TENM1: variants seen among roughly 807,000 people sequenced by gnomAD.
TENM1 encodes teneurin-1.
TENM1 carries 35 observed loss-of-function variants against 174.8 expected under a neutral mutation model. The ratio of observed to expected loss-of-function variants is 0.20; its 90% CI spans 0.15 to 0.27. TENM1 has a LOEUF of 0.27. TENM1 is among the 10% of genes least tolerant of loss of function. The pLI is 1.00. For missense variants in TENM1, 1,633 were observed against 2,130.1 expected (o/e 0.77, Z 4.59); for synonymous variants, 781 against 798.7 (o/e 0.98, Z 0.37).
the TENM1 span, among the ~76,000 whole-genome samples, chrX:125,089,923 TTGTC>T: frequency 1.1e-4 from 12 of 111,362 alleles, no homozygotes; most frequent in African/African-American, 3.9e-4. Context: ...CTGTGTATGT[TTGTC>T]TGTGTGTGTC....
chrX:125,157,274 G>GAC, the TENM1 span, among the ~76,000 whole-genome samples: 1 of 111,968 alleles, frequency 8.9e-6, no homozygotes, highest in Admixed American at 9.5e-5. Context: ...CATACATGTA[G>GAC]ACATAAGTTG....
At chrX:124,398,781 G>A (rs912995118) in intron 27 of TENM1, among the ~76,000 whole-genome samples, 3 of 111,173 alleles carry the variant, frequency 2.7e-5, no homozygotes, top group African/African-American at 9.8e-5. Context: ...TACCACAATC[G>A]TGATAGCATT....
At chrX:124,589,367 G>GTTA (rs2049669285) in intron 11 of TENM1, among the ~76,000 whole-genome samples, 1 of 108,863 alleles carries the variant, frequency 9.2e-6, no homozygotes, top group Admixed American at 9.9e-5. Flanking sequence ...TGTTGTTGTT[G>GTTA]TTGTTGTTGT....
In TENM1 at chrX:124,940,568, C is replaced by T. The variant is rs763031038; in HGVS notation, c.217+22969G>A. 6.3e-5 allele frequency among the ~76,000 whole-genome samples: 7 copies of T among 111,165 alleles called. No individual in the cohort carries two copies. In the East Asian group the frequency reaches 8.5e-4, roughly 14 times the overall value. On this transcript the variant is annotated intron_variant, in intron 1 of 31. Coordinates refer to ENST00000422452, the Ensembl canonical transcript of TENM1. ...GAGTTGACTTTCTGTCACTTACAAC[C>T]GAGATTCTAACTTATATACTAACTT...
intron 1 of TENM1, among the ~76,000 whole-genome samples, chrX:124,901,742 G>A (rs532381422): frequency 1.8e-5 from 2 of 111,202 alleles, no homozygotes; most frequent in South Asian, 7.6e-4. Flanking sequence ...CACCATACCC[G>A]GCCAATTTCT....
At chrX:124,504,134 G>A (rs1292724141) in intron 18 of TENM1, among the ~76,000 whole-genome samples, 2 of 111,809 alleles carry the variant, frequency 1.8e-5, no homozygotes, top group South Asian at 3.7e-4. Flanking sequence ...CACTCAGCAA[G>A]CTGCCTTTGG....
At chrX:125,143,812 T>C in the TENM1 span, among the ~76,000 whole-genome samples, 1 of 111,879 alleles carries the variant, frequency 8.9e-6, no homozygotes, top group South Asian at 3.6e-4. Flanking sequence ...ATCTAGATGT[T>C]ATTTTTTTCT....
chrX:124,553,357 G>A (rs1028494618), intron 14 of TENM1, among the ~76,000 whole-genome samples: 7 of 108,711 alleles, frequency 6.4e-5, no homozygotes, highest in South Asian at 4.1e-4. Context: ...ATAATTAGCC[G>A]GGCGTGGTGG....
chrX:124,971,913 T>C, the TENM1 span, among the ~76,000 whole-genome samples: 1 of 111,963 alleles, frequency 8.9e-6, no homozygotes, highest in Non-Finnish European at 1.9e-5. Flanking sequence ...CTTTTGCACA[T>C]TTACCTATTG....
rs184459222 is a variant in TENM1 at position 124,849,696 on chromosome X, T to C, written c.535+44600A>G. Among the ~76,000 whole-genome samples the C allele has an allele frequency of 2.6e-3, 294 of 111,696 alleles. 2 individuals are homozygous for C. Among genetic ancestry groups the C allele is most frequent in the African/African-American group, 9.3e-3 (286 of 30,802 alleles). ...CTGAGCAGAGGACCCAGTAGATGTGTCCAGACTTCTGATTCATAGCAACTG... is the reference window on the plus strand; with the variant it reads ...CTGAGCAGAGGACCCAGTAGATGTGCCCAGACTTCTGATTCATAGCAACTG... On this transcript the variant is annotated intron_variant, in intron 3 of 31. Transcript: ENST00000422452.
intron 11 of TENM1, among the ~76,000 whole-genome samples, chrX:124,630,197 T>TA (rs2050725832): frequency 1.8e-5 from 2 of 112,546 alleles, no homozygotes; most frequent in South Asian, 7.3e-4. Context: ...GAATTCAATT[T>TA]AAAAAATGAA....
intron 23 of TENM1, among the ~76,000 whole-genome samples, chrX:124,423,321 T>C (rs918290521): frequency 3.6e-5 from 4 of 112,077 alleles, no homozygotes; most frequent in African/African-American, 1.3e-4. Context: ...GTTCACTCCA[T>C]AGGTTCCCCT....
At chrX:124,822,536 T>G (rs2056062151) in intron 3 of TENM1, among the ~76,000 whole-genome samples, 2 of 112,184 alleles carry the variant, frequency 1.8e-5, no homozygotes, top group Non-Finnish European at 3.8e-5. Context: ...CAATTTACCT[T>G]CAAGCTTCCA....
At chrX:124,465,451 T>C (rs2061230984) in intron 22 of TENM1, among the ~76,000 whole-genome samples, 1 of 110,903 alleles carries the variant, frequency 9.0e-6, no homozygotes, top group Non-Finnish European at 1.9e-5. Context: ...GGGGTCTCAC[T>C]ATGTTGACCA....
intron 3 of TENM1, among the ~76,000 whole-genome samples, chrX:124,880,750 T>C (rs754249049): frequency 2.7e-5 from 3 of 112,061 alleles, no homozygotes; most frequent in Admixed American, 9.4e-5. Context: ...GAGGGGAATG[T>C]TGAATTTTAT....
intron 16 of TENM1, among the ~76,000 whole-genome samples, chrX:124,527,848 G>A (rs1447815476): frequency 9.8e-6 from 1 of 102,127 alleles, no homozygotes; most frequent in African/African-American, 3.6e-5. Context: ...AGTAGAGACG[G>A]GGTTTCACCG....
chrX:124,693,924 A>G (rs1402185077), intron 5 of TENM1, among the ~76,000 whole-genome samples: 1 of 111,713 alleles, frequency 9.0e-6, no homozygotes, highest in Non-Finnish European at 1.9e-5. Flanking sequence ...GTGACTTGTT[A>G]GATTACTAGA....
At chrX:124,906,765 G>C (rs1274759948) in intron 1 of TENM1, among the ~76,000 whole-genome samples, 2 of 111,531 alleles carry the variant, frequency 1.8e-5, no homozygotes, top group Admixed American at 1.9e-4. Flanking sequence ...ATAATATAAC[G>C]ACATAAACAA....
chrX:124,399,695 G>A (rs755007329), intron 27 of TENM1, among the ~76,000 whole-genome samples: 3 of 111,990 alleles, frequency 2.7e-5, no homozygotes, highest in Non-Finnish European at 5.6e-5. Context: ...GGCTAGGCAC[G>A]GTGACTCGTG....
Sources: allele counts gnomAD v4.1 joint callset (sites outside exome capture counted in the v4.1 genomes callset), GRCh38; gene constraint gnomAD v4.1.1; transcripts MANE v1.5; gene names NCBI Gene and HGNC (gene_info 2026-07-23, HGNC 2026-07-21).